CNTNAP2: variants seen among roughly 807,000 people sequenced by gnomAD.
CNTNAP2 encodes contactin associated protein 2.
In CNTNAP2, 98 loss-of-function variants were observed where a neutral mutation model predicts 155.2. The observed-to-expected ratio is 0.63, with a 90% CI of 0.54 to 0.75. The LOEUF (loss-of-function observed/expected upper bound fraction) is 0.75. Among genes scored for constraint, CNTNAP2 ranks in the 30% least tolerant of loss-of-function variants. The probability of loss-of-function intolerance (pLI) is 0.00; values close to 1 mark genes in which losing one functional copy is unlikely to be tolerated. For synonymous variants in CNTNAP2, 651 were observed against 631.2 expected (o/e 1.03, Z -0.47); for missense variants, 1,727 against 1,688.1 (o/e 1.02, Z -0.40).
At chr7:147,508,374 T>C (rs531007424) in intron 11 of CNTNAP2, among the ~76,000 whole-genome samples, 1 of 152,180 alleles carries the variant, frequency 6.6e-6, no homozygotes, top group Non-Finnish European at 1.5e-5. Context: ...CACATCTAAT[T>C]GGTCACCAAG....
chr7:146,424,599 C>A (rs1410862559), intron 1 of CNTNAP2, among the ~76,000 whole-genome samples: 1 of 141,988 alleles, frequency 7.0e-6, no homozygotes, highest in Non-Finnish European at 1.5e-5. Context: ...TTAGTTTTTA[C>A]AAACAGTTTA....
intron 12 of CNTNAP2, among the ~76,000 whole-genome samples, chr7:147,576,093 A>G (rs749387705): frequency 9.7e-6 from 1 of 102,658 alleles, no homozygotes; most frequent in East Asian, 2.6e-4. Context: ...ATAAATTACT[A>G]TTATTATTAT....
At chr7:148,099,188 G>C (rs866341546) in intron 15 of CNTNAP2, among the ~76,000 whole-genome samples, 5 of 152,192 alleles carry the variant, frequency 3.3e-5, no homozygotes, top group African/African-American at 9.6e-5. Context: ...CACATGAAAA[G>C]TGGACATAAT....
intron 14 of CNTNAP2, among the ~76,000 whole-genome samples, chr7:147,922,974 G>A (rs1007516825): frequency 1.3e-5 from 2 of 152,060 alleles, no homozygotes; most frequent in African/African-American, 4.8e-5. Flanking sequence ...GGAGTTTCCA[G>A]CAAGCATCAG....
intron 13 of CNTNAP2, among the ~76,000 whole-genome samples, chr7:147,880,512 G>T (rs1182785672): frequency 1.3e-5 from 2 of 152,002 alleles, no homozygotes; most frequent in Non-Finnish European, 2.9e-5. Context: ...TCTACTGAAG[G>T]CCTGAATATG....
chr7:146,443,419 A>G (rs922269558), intron 1 of CNTNAP2, among the ~76,000 whole-genome samples: 91 of 151,820 alleles, frequency 6.0e-4, no homozygotes, highest in Admixed American at 6.0e-3. Flanking sequence ...CACCCCTTTC[A>G]TTCATACCAC....
At chr7:147,734,197 C>A (rs1169458773) in intron 13 of CNTNAP2, among the ~76,000 whole-genome samples, 3 of 152,194 alleles carry the variant, frequency 2.0e-5, no homozygotes, top group Non-Finnish European at 4.4e-5. Flanking sequence ...CCCATCAATA[C>A]CTAATTTATT....
Position 147,433,181 on chromosome 7 carries a change from A to C in CNTNAP2, c.1670+37401A>C, listed in dbSNP as rs980461524. Among the ~76,000 whole-genome samples, 3 of 152,226 alleles carry C rather than the reference A, an allele frequency of 2.0e-5. No homozygotes were observed. In the South Asian group the frequency reaches 6.2e-4, roughly 31 times the overall value. On this transcript the variant is annotated intron_variant, in intron 10 of 23. Coordinates refer to ENST00000361727, the MANE Select transcript of CNTNAP2 (RefSeq NM_014141.6). ...TGTGTCGTGACGCCTCTTTTATATC[A>C]TAATTTTTAAATCTTCAACCATCAT...
At chr7:146,428,396 C>T (rs1796123966) in intron 1 of CNTNAP2, among the ~76,000 whole-genome samples, 2 of 152,002 alleles carry the variant, frequency 1.3e-5, no homozygotes, top group South Asian at 4.1e-4. Flanking sequence ...TATCCAAAAC[C>T]TTGCCAGAAT....
At chr7:147,815,772 A>C (rs907232475) in intron 13 of CNTNAP2, among the ~76,000 whole-genome samples, 5 of 152,156 alleles carry the variant, frequency 3.3e-5, no homozygotes, top group African/African-American at 9.7e-5. Flanking sequence ...GTTGTTCTTC[A>C]AGGGTTCAAT....
intron 21 of CNTNAP2, among the ~76,000 whole-genome samples, chr7:148,329,074 C>T (rs922772120): frequency 6.6e-6 from 1 of 150,488 alleles, no homozygotes; most frequent in African/African-American, 2.4e-5. Flanking sequence ...CTGCCTGGGG[C>T]TGCTGGCCCC....
At chr7:146,572,469 C>T (rs959075134) in intron 1 of CNTNAP2, among the ~76,000 whole-genome samples, 28 of 151,986 alleles carry the variant, frequency 1.8e-4, no homozygotes, top group Non-Finnish European at 4.0e-4. Flanking sequence ...TAATGGGTTA[C>T]ATTGCTATTA....
intron 8 of CNTNAP2, among the ~76,000 whole-genome samples, chr7:147,261,483 G>A (rs1044341655): frequency 1.3e-4 from 19 of 151,802 alleles, no homozygotes; most frequent in African/African-American, 4.6e-4. Flanking sequence ...AGCCAGTGCT[G>A]GTACCAATAT....
At chr7:147,139,410 A>T (rs985857781) in intron 8 of CNTNAP2, among the ~76,000 whole-genome samples, 1 of 152,148 alleles carries the variant, frequency 6.6e-6, no homozygotes, top group African/African-American at 2.4e-5. Flanking sequence ...TAACAAAATA[A>T]ATAGTGTTGG....
At chr7:148,267,471 A>G (rs1796693038) in intron 21 of CNTNAP2, among the ~76,000 whole-genome samples, 1 of 152,232 alleles carries the variant, frequency 6.6e-6, no homozygotes, top group South Asian at 2.1e-4. Context: ...CCTGGCCAAC[A>G]TGGCAAAACC....
chr7:147,347,176 C>T (rs1171031365), intron 9 of CNTNAP2, among the ~76,000 whole-genome samples: 2 of 151,738 alleles, frequency 1.3e-5, no homozygotes, highest in African/African-American at 4.8e-5. Flanking sequence ...GTAGCTATTC[C>T]ACATTAAAAA....
At chr7:147,830,029 A>G (rs1326841192) in intron 13 of CNTNAP2, among the ~76,000 whole-genome samples, 4 of 151,976 alleles carry the variant, frequency 2.6e-5, no homozygotes, top group Non-Finnish European at 5.9e-5. Context: ...TTAGGCCAAA[A>G]GAGTCTCATG....
At chr7:146,712,223 CA>C (rs869105063) in intron 1 of CNTNAP2, among the ~76,000 whole-genome samples, 5 of 117,158 alleles carry the variant, frequency 4.3e-5, no homozygotes, top group Non-Finnish European at 7.1e-5. Flanking sequence ...CTTATGTATA[CA>C]AATATGTATA....
intron 13 of CNTNAP2, among the ~76,000 whole-genome samples, chr7:147,701,609 G>C (rs1432151299): frequency 6.6e-6 from 1 of 151,946 alleles, no homozygotes; most frequent in Non-Finnish European, 1.5e-5. Flanking sequence ...TATTGTATTT[G>C]GTTTCTTACT....
Sources: gnomAD v4.1 joint callset for allele counts (sites outside exome capture counted in the v4.1 genomes callset) on GRCh38, gnomAD v4.1.1 for gene constraint, MANE v1.5 for transcripts, NCBI Gene and HGNC (gene_info 2026-07-23, HGNC 2026-07-21) for gene names.